Variants in CDH12 observed in about 807,000 individuals in gnomAD.
The protein encoded by CDH12 is cadherin-12.
Under a neutral mutation model 74.1 loss-of-function variants are expected in CDH12, and 41 were observed. The ratio of observed to expected loss-of-function variants is 0.55; its 90% CI spans 0.43 to 0.72. CDH12 has a LOEUF of 0.72. CDH12 is among the 30% of genes least tolerant of loss of function. The pLI is 0.00. For missense variants in CDH12, 945 were observed against 977.2 expected, an observed-to-expected ratio of 0.97 and a Z score of 0.44; for synonymous variants, 399 against 355.0, an observed-to-expected ratio of 1.12 and a Z score of -1.39.
chr5:22,809,248 A>G (rs1322874673), intron 1 of CDH12, among the ~76,000 whole-genome samples: 1 of 152,046 alleles, frequency 6.6e-6, no homozygotes, highest in Non-Finnish European at 1.5e-5. Flanking sequence ...GTCAGTTGCT[A>G]TTTTGAGAAA....
intron 1 of CDH12, among the ~76,000 whole-genome samples, chr5:22,833,599 T>C (rs1224564035): frequency 6.6e-6 from 1 of 152,234 alleles, no homozygotes; most frequent in Non-Finnish European, 1.5e-5. Flanking sequence ...AGAGTTATTT[T>C]AGAAAACACA....
chr5:21,948,928 C>A (rs1427001089), intron 6 of CDH12, among the ~76,000 whole-genome samples: 2 of 151,696 alleles, frequency 1.3e-5, no homozygotes, highest in Non-Finnish European at 2.9e-5. Context: ...CAATCCTTCT[C>A]TCTCCTGTTG....
chr5:22,723,777 T>C (rs1022706412), intron 1 of CDH12, among the ~76,000 whole-genome samples: 1 of 152,022 alleles, frequency 6.6e-6, no homozygotes, highest in African/African-American at 2.4e-5. Flanking sequence ...TATTTAACTA[T>C]GTATTTGGCA....
chr5:22,536,336 A>T lies in CDH12; in HGVS notation c.-522-30972T>A, dbSNP rs529767203. On this transcript the variant is annotated intron_variant, in intron 1 of 14. Transcript: ENST00000382254. Reference sequence around the variant, plus strand: ...ATTGCTATGGGGTTTTCAACATAGTAAATGTAAACAGGTTAAAAGAATGAT... The same window carrying T: ...ATTGCTATGGGGTTTTCAACATAGTTAATGTAAACAGGTTAAAAGAATGAT... Among the ~76,000 whole-genome samples the T allele has an allele frequency of 9.2e-5, 14 of 152,304 alleles. No homozygotes were observed. The East Asian group carries it at 2.5e-3, about 27-fold the overall frequency.
chr5:22,576,694 G>A (rs2126775215), intron 1 of CDH12, among the ~76,000 whole-genome samples: 1 of 152,182 alleles, frequency 6.6e-6, no homozygotes. Flanking sequence ...AAAATCCTAT[G>A]TAGATCTCCA....
At chr5:21,851,430 TATAA>T (rs980437636) in intron 7 of CDH12, among the ~76,000 whole-genome samples, 11 of 150,664 alleles carry the variant, frequency 7.3e-5, no homozygotes, top group African/African-American at 2.7e-4. Context: ...TATAGATGTT[TATAA>T]ATATTTTATA....
intron 1 of CDH12, among the ~76,000 whole-genome samples, chr5:22,818,277 G>A (rs1368532029): frequency 6.6e-6 from 1 of 152,032 alleles, no homozygotes; most frequent in Non-Finnish European, 1.5e-5. Context: ...TCACATCCTA[G>A]ACAGCTCTAC....
intron 1 of CDH12, among the ~76,000 whole-genome samples, chr5:22,647,828 C>T (rs1186268340): frequency 6.6e-6 from 1 of 151,736 alleles, no homozygotes; most frequent in Non-Finnish European, 1.5e-5. Flanking sequence ...ACTAATATTC[C>T]ATTAAAATTC....
intron 4 of CDH12, among the ~76,000 whole-genome samples, chr5:22,095,718 AT>A (rs1394887285): frequency 6.6e-6 from 1 of 150,646 alleles, no homozygotes; most frequent in East Asian, 2.0e-4. Context: ...GGGGGCAAGA[AT>A]CCCCCAATCC....
chr5:22,708,268 G>A (rs796909365), intron 1 of CDH12, among the ~76,000 whole-genome samples: 34 of 152,226 alleles, frequency 2.2e-4, no homozygotes, highest in African/African-American at 6.5e-4. Context: ...TACAAAGTTC[G>A]CTCCAACACA....
rs367896102 is a variant in CDH12 at position 22,583,354 on chromosome 5, G to C, written c.-522-77990C>G. On this transcript the variant is annotated intron_variant, in intron 1 of 14. Transcript: ENST00000382254. Reference sequence around the variant, plus strand: ...AAAATGCTGTTAATAGGCATGATTAGCAGACATGAAGAAGACAAATTTAAA... The same window carrying C: ...AAAATGCTGTTAATAGGCATGATTACCAGACATGAAGAAGACAAATTTAAA... Among the ~76,000 whole-genome samples the C allele has an allele frequency of 1.6e-4, 25 of 152,216 alleles. No homozygotes were observed. The East Asian group carries it at 4.6e-3, about 28-fold the overall frequency.
At chr5:22,376,791 G>A (rs1741545840) in intron 3 of CDH12, among the ~76,000 whole-genome samples, 1 of 150,288 alleles carries the variant, frequency 6.7e-6, no homozygotes, top group Non-Finnish European at 1.5e-5. Context: ...CCAAAGTTCT[G>A]GGATTACAGA....
intron 1 of CDH12, among the ~76,000 whole-genome samples, chr5:22,547,024 A>G (rs1398009774): frequency 6.6e-6 from 1 of 152,162 alleles, no homozygotes; most frequent in Non-Finnish European, 1.5e-5. Flanking sequence ...GCATTAGGAG[A>G]TAACTTTTGC....
chr5:22,636,123 C>T (rs991833275), intron 1 of CDH12, among the ~76,000 whole-genome samples: 1 of 151,994 alleles, frequency 6.6e-6, no homozygotes, highest in Non-Finnish European at 1.5e-5. Context: ...TAACCCCAAT[C>T]AAAACCACAA....
chr5:22,427,533 G>A (rs1743991335), intron 2 of CDH12, among the ~76,000 whole-genome samples: 1 of 152,148 alleles, frequency 6.6e-6, no homozygotes, highest in South Asian at 2.1e-4. Flanking sequence ...ATACAGAGCT[G>A]TGTTCTATTT....
At chr5:22,163,258 A>G (rs1025819209) in intron 4 of CDH12, among the ~76,000 whole-genome samples, 1 of 152,050 alleles carries the variant, frequency 6.6e-6, no homozygotes, top group African/African-American at 2.4e-5. Context: ...ATTTGGTTGG[A>G]CTTCTCATCC....
rs191263927 is a variant in CDH12, at chr5:22,059,112, G to A, written c.231+19334C>T. ...TAGGAATTATCTCTGATCATGATCA[G>A]GTAGTGAATAAGAAAGATAGGTTTA... is the stretch of plus-strand genomic sequence containing the variant. On this transcript the variant is annotated intron_variant, in intron 5 of 14. Transcript: ENST00000382254. Among the ~76,000 whole-genome samples, 492 of 152,178 alleles carry A rather than the reference G, an allele frequency of 3.2e-3. 5 individuals carry two copies. Among genetic ancestry groups the A allele is most frequent in the African/African-American group, 0.011 (472 of 41,536 alleles).
intron 4 of CDH12, among the ~76,000 whole-genome samples, chr5:22,179,526 AATTC>A (rs1580364450): frequency 6.6e-6 from 1 of 152,206 alleles, no homozygotes; most frequent in East Asian, 1.9e-4. Context: ...ACAAATCTAA[AATTC>A]AGTCATTATT....
At chr5:22,558,252 A>C (rs1738888943) in intron 1 of CDH12, among the ~76,000 whole-genome samples, 1 of 152,020 alleles carries the variant, frequency 6.6e-6, no homozygotes, top group Non-Finnish European at 1.5e-5. Flanking sequence ...TGGAAATGGT[A>C]CTCTATGGAG....
Sources: allele counts gnomAD v4.1 joint callset (sites outside exome capture counted in the v4.1 genomes callset), GRCh38; gene constraint gnomAD v4.1.1; transcripts MANE v1.5; gene names NCBI Gene and HGNC (gene_info 2026-07-23, HGNC 2026-07-21).